The following RIMS2 variants were observed in gnomAD, a reference collection of about 807,000 sequenced individuals.
RIMS2 encodes the protein regulating synaptic membrane exocytosis protein 2.
A neutral mutation model predicts 174.4 loss-of-function variants in RIMS2; 59 were observed. The observed-to-expected ratio is 0.34, with a 90% CI of 0.27 to 0.42. RIMS2 has a LOEUF of 0.42. Ranked by LOEUF, RIMS2 falls within the 10% of genes least tolerant of loss-of-function variation. The pLI is 1.00. For missense variants in RIMS2, 1,620 were observed against 1,666.3 expected (o/e 0.97, Z 0.48); for synonymous variants, 606 against 572.5 (o/e 1.06, Z -0.84).
chr8:103,540,286 G>T (rs560291574), intron 1 of RIMS2, among the ~76,000 whole-genome samples: 1 of 152,064 alleles, frequency 6.6e-6, no homozygotes, highest in African/African-American at 2.4e-5. Flanking sequence ...TCCTCGGTGG[G>T]AGAAAAAGAA....
At chr8:104,118,580 G>C (rs943900948) in intron 19 of RIMS2, among the ~76,000 whole-genome samples, 1 of 151,796 alleles carries the variant, frequency 6.6e-6, no homozygotes, top group African/African-American at 2.4e-5. Context: ...TGTTGGCCAG[G>C]CTGGTCTTCA....
chr8:104,014,218 C>G (rs1181774828), intron 18 of RIMS2, among the ~76,000 whole-genome samples: 5 of 152,032 alleles, frequency 3.3e-5, no homozygotes, highest in Non-Finnish European at 5.9e-5. Flanking sequence ...CGAAATTCTC[C>G]TCTTGCTTTC....
chr8:104,249,710 T>TG, intron 22 of RIMS2, 122 bp downstream of exon 28: 1 of 619,128 alleles, frequency 1.6e-6, no homozygotes, highest in South Asian at 1.9e-5. Context: ...TGGTCCATTA[T>TG]GACTGGTCTG....
At chr8:103,708,959 TTTAATC>T (rs778177067) in intron 2 of RIMS2, among the ~76,000 whole-genome samples, 1 of 152,160 alleles carries the variant, frequency 6.6e-6, no homozygotes, top group Non-Finnish European at 1.5e-5. Flanking sequence ...TGTTCTTTCC[TTTAATC>T]TTAGTTTTAT....
chr8:104,024,318 A>G lies in RIMS2; in HGVS notation c.3334+9703A>G, dbSNP rs976321015. Among the ~76,000 whole-genome samples, 268 of 152,194 alleles carry G rather than the reference A, an allele frequency of 1.8e-3. 3 individuals are homozygous for G. The highest frequency in any genetic ancestry group is 1.9e-4 in the Non-Finnish European group (13 of 68,028). On this transcript the variant is annotated intron_variant, in intron 19 of 23. Coordinates refer to ENST00000504942, the Ensembl canonical transcript of RIMS2. ...TTAGCTCCTTGATTTAGAATCAAAG[A>G]CTTTTAGATTTGGAAGGGACATTAT...
chr8:103,751,798 G>T (rs1318188083), intron 2 of RIMS2, among the ~76,000 whole-genome samples: 2 of 151,108 alleles, frequency 1.3e-5, no homozygotes, highest in Non-Finnish European at 3.0e-5. Context: ...GGGGTTGTTT[G>T]TTTTTTTCTT....
At chr8:103,787,381 T>A (rs1180474205) in intron 3 of RIMS2, among the ~76,000 whole-genome samples, 3 of 151,538 alleles carry the variant, frequency 2.0e-5, no homozygotes, top group East Asian at 1.9e-4. Context: ...GGTCTTTACA[T>A]TTTGGCATGA....
At position 103,509,572 on chromosome 8, in the gene RIMS2, C is replaced by A. The variant is rs182300555; in HGVS notation, c.176+8510C>A. 6.1e-3 allele frequency among the ~76,000 whole-genome samples: 933 copies of A among 152,148 alleles called. 12 individuals are homozygous for A. The highest frequency in any genetic ancestry group is 0.021 in the African/African-American group (884 of 41,534). Reference sequence around the variant, plus strand: ...TGTGGAAGTTGGTGAAGATTCTGTGCATCTTTATATTAGCTTACTGAATTA... The same window carrying A: ...TGTGGAAGTTGGTGAAGATTCTGTGAATCTTTATATTAGCTTACTGAATTA... On this transcript the variant is annotated intron_variant, in intron 1 of 23. Transcript: ENST00000504942.
chr8:103,630,357 A>G (rs2095881627), intron 1 of RIMS2, among the ~76,000 whole-genome samples: 1 of 152,116 alleles, frequency 6.6e-6, no homozygotes, highest in African/African-American at 2.4e-5. Context: ...TAGCAAAAAT[A>G]TCCTTCAAGA....
chr8:103,783,333 A>G (rs1311395293), intron 3 of RIMS2, among the ~76,000 whole-genome samples: 3 of 148,574 alleles, frequency 2.0e-5, no homozygotes, highest in African/African-American at 7.5e-5. Flanking sequence ...GGTTAGTTAC[A>G]TATGTATACA....
At chr8:103,602,971 T>A (rs1477621532) in intron 1 of RIMS2, among the ~76,000 whole-genome samples, 1 of 152,084 alleles carries the variant, frequency 6.6e-6, no homozygotes, top group South Asian at 2.1e-4. Context: ...CTAGCATCTG[T>A]TATTTTTTGA....
At chr8:104,114,711 AT>A (rs1555240587) in intron 19 of RIMS2, among the ~76,000 whole-genome samples, 1 of 151,590 alleles carries the variant, frequency 6.6e-6, no homozygotes, top group Non-Finnish European at 1.5e-5. Context: ...TTTTTTTTGT[AT>A]TGATGGATTA....
chr8:103,637,773 A>G (rs1007831389), intron 1 of RIMS2, among the ~76,000 whole-genome samples: 5 of 152,176 alleles, frequency 3.3e-5, no homozygotes, highest in African/African-American at 4.8e-5. Flanking sequence ...AAATCTTACC[A>G]TATATTTTAC....
At chr8:103,984,153 G>A (rs1244566160) in intron 16 of RIMS2, among the ~76,000 whole-genome samples, 1 of 151,810 alleles carries the variant, frequency 6.6e-6, no homozygotes, top group Non-Finnish European at 1.5e-5. Flanking sequence ...CAGCCTGGGC[G>A]ACAGAGCGAG....
chr8:103,924,664 T>C (rs181593691), intron 10 of RIMS2, among the ~76,000 whole-genome samples: 18 of 151,778 alleles, frequency 1.2e-4, no homozygotes, highest in Non-Finnish European at 3.0e-5. Context: ...ATAATTTCTA[T>C]AGTATGTGAG....
At chr8:104,184,302 G>A (rs2511641) in intron 19 of RIMS2, among the ~76,000 whole-genome samples, 42,275 of 151,174 alleles carry the variant, frequency 0.28, 6,719 homozygotes, top group South Asian at 0.48. Flanking sequence ...TACTAAATTG[G>A]GTAATATGCC....
chr8:103,912,791 G>T (rs932476088), intron 6 of RIMS2, among the ~76,000 whole-genome samples: 1 of 151,892 alleles, frequency 6.6e-6, no homozygotes, highest in African/African-American at 2.4e-5. Context: ...TTTGTTTTTT[G>T]TGCATGTAGT....
At chr8:103,512,142 A>G (rs933323913) in intron 1 of RIMS2, among the ~76,000 whole-genome samples, 4 of 152,194 alleles carry the variant, frequency 2.6e-5, no homozygotes, top group African/African-American at 9.6e-5. Flanking sequence ...CTGGGTGTCT[A>G]TAAGCTACTG....
intron 1 of RIMS2, among the ~76,000 whole-genome samples, chr8:103,657,047 C>T (rs2096540220): frequency 6.6e-6 from 1 of 152,072 alleles, no homozygotes; most frequent in African/African-American, 2.4e-5. Flanking sequence ...ACTTTCTGTT[C>T]CCCACCTTCC....
Sources: allele counts gnomAD v4.1 joint callset (sites outside exome capture counted in the v4.1 genomes callset), GRCh38; gene constraint gnomAD v4.1.1; transcripts MANE v1.5; gene names NCBI Gene and HGNC (gene_info 2026-07-23, HGNC 2026-07-21).